The following MEMO1 variants were observed in gnomAD, a reference collection of about 807,000 sequenced individuals.
MEMO1 encodes the protein mediator of cell motility 1, also known as protein MEMO1.
In MEMO1, 6 loss-of-function variants were observed where a neutral mutation model predicts 45.2. The observed-to-expected ratio is 0.13, with a 90% CI of 0.07 to 0.26. MEMO1 has a LOEUF of 0.26. Among genes scored for constraint, MEMO1 ranks in the 10% least tolerant of loss-of-function variants. The pLI is 1.00. For missense variants in MEMO1, 184 were observed against 370.5 expected (o/e 0.50, Z 4.13); for synonymous variants, 78 against 124.3 (o/e 0.63, Z 2.48).
At chr2:31,972,387 C>T (rs1669512457) in intron 2 of MEMO1, among the ~76,000 whole-genome samples, 1 of 152,168 alleles carries the variant, frequency 6.6e-6, no homozygotes, top group African/African-American at 2.4e-5. Flanking sequence ...TTAATAAAGA[C>T]ATTACTAATT....
At chr2:31,902,372 T>C (rs1678989201) in intron 6 of MEMO1, among the ~76,000 whole-genome samples, 1 of 151,830 alleles carries the variant, frequency 6.6e-6, no homozygotes, top group Non-Finnish European at 1.5e-5. Flanking sequence ...CACTCCAGCG[T>C]AGGCAACAGA....
chr2:31,956,672 C>T (rs80000085), intron 2 of MEMO1, among the ~76,000 whole-genome samples: 1,531 of 152,196 alleles, frequency 0.01, 20 homozygotes, highest in Middle Eastern at 0.054. Flanking sequence ...TATTAAGCAA[C>T]CGGAAAACAA....
chr2:31,991,775 A>C (rs1351113950), intron 2 of MEMO1, among the ~76,000 whole-genome samples: 1 of 152,220 alleles, frequency 6.6e-6, no homozygotes, highest in Non-Finnish European at 1.5e-5. Context: ...GCTGTCAGCA[A>C]CTAAACGCTC....
intron 6 of MEMO1, among the ~76,000 whole-genome samples, chr2:31,915,590 T>C (rs1681323816): frequency 6.6e-6 from 1 of 151,966 alleles, no homozygotes; most frequent in Non-Finnish European, 1.5e-5. Context: ...AAGTCTAAGC[T>C]ATTCTTCTAG....
chr2:31,929,506 T>G (rs1027980030), intron 4 of MEMO1, among the ~76,000 whole-genome samples: 4 of 152,236 alleles, frequency 2.6e-5, no homozygotes, highest in Admixed American at 6.5e-5. Context: ...GATATGTTAA[T>G]ACCCTTATCT....
chr2:31,914,614 C>G (rs1286485260), intron 6 of MEMO1, among the ~76,000 whole-genome samples: 1 of 151,952 alleles, frequency 6.6e-6, no homozygotes, highest in African/African-American at 2.4e-5. Context: ...ATATATACAC[C>G]ATGCACCCAC....
intron 2 of MEMO1, among the ~76,000 whole-genome samples, chr2:31,947,896 C>A (rs570529959): frequency 6.6e-6 from 1 of 152,124 alleles, no homozygotes; most frequent in Non-Finnish European, 1.5e-5. Context: ...ATGAACTAAG[C>A]CAAATTGGTT....
At chr2:31,948,284 C>T (rs1666415775) in intron 2 of MEMO1, among the ~76,000 whole-genome samples, 1 of 152,214 alleles carries the variant, frequency 6.6e-6, no homozygotes. Context: ...TCTAGTGTTG[C>T]TGAAACTATT....
At chr2:31,934,544 C>G (rs1664682929) in intron 3 of MEMO1, among the ~76,000 whole-genome samples, 1 of 149,034 alleles carries the variant, frequency 6.7e-6, no homozygotes, top group African/African-American at 2.5e-5. Flanking sequence ...AATAAGAGTA[C>G]AAAGGTAAGG....
intron 2 of MEMO1, among the ~76,000 whole-genome samples, chr2:32,002,339 A>G (rs1182568867): frequency 6.7e-6 from 1 of 149,194 alleles, no homozygotes; most frequent in Non-Finnish European, 1.5e-5. Context: ...ATATACATAT[A>G]CATATATACA....
At chr2:31,919,606 A>C (rs1002637154) in intron 5 of MEMO1, among the ~76,000 whole-genome samples, 1 of 152,056 alleles carries the variant, frequency 6.6e-6, no homozygotes, top group Non-Finnish European at 1.5e-5. Context: ...ATTGCTTGAG[A>C]CCAGGAGTTC....
chr2:31,983,453 G>C (rs763415906), intron 2 of MEMO1, among the ~76,000 whole-genome samples: 14 of 151,858 alleles, frequency 9.2e-5, no homozygotes, highest in African/African-American at 3.1e-4. Context: ...TTGTTTTTGA[G>C]ACAGAGTTTC....
chr2:31,961,224 G>A (rs995653688), intron 2 of MEMO1, among the ~76,000 whole-genome samples: 10 of 152,076 alleles, frequency 6.6e-5, no homozygotes, highest in East Asian at 3.9e-4. Context: ...TGGGTGTGGC[G>A]GCAAGTGCCT....
intron 2 of MEMO1, among the ~76,000 whole-genome samples, chr2:31,989,058 T>G (rs1016587669): frequency 6.6e-6 from 1 of 151,264 alleles, no homozygotes; most frequent in African/African-American, 2.4e-5. Flanking sequence ...AATACAAAAT[T>G]AGCCAGGCAT....
chr2:31,883,430 A>T lies in MEMO1; in HGVS notation c.613T>A (p.Ser205Thr), dbSNP rs1229069371. Residue 205 changes from serine to threonine, a missense_variant, in exon 8 of 10, where the codon TCC (serine) becomes ACC (threonine). Transcript: ENST00000404530. The stretch of plus-strand genomic sequence containing the variant: ...ATGGATCTATAAATCTCCCCCTGGG[A>T]TTCATCATAGTAACTGTAACGGAAC... Reference protein sequence around the residue: ...QRFRYSYYDESQGEIYRSIEH... With the variant: ...QRFRYSYYDETQGEIYRSIEH... 5.0e-6 allele frequency: 8 copies of T among 1,593,076 alleles called. No individual in the cohort carries two copies. In the African/African-American group the frequency reaches 6.8e-5, roughly 13 times the overall value.
chr2:31,937,199 T>C (rs1665016838), intron 3 of MEMO1, among the ~76,000 whole-genome samples: 1 of 152,152 alleles, frequency 6.6e-6, no homozygotes, highest in Admixed American at 6.5e-5. Context: ...AAAATATCAG[T>C]AGATAATTGT....
intron 6 of MEMO1, among the ~76,000 whole-genome samples, chr2:31,914,961 TAAAAAAAAAAA>T (rs34556047): frequency 8.3e-6 from 1 of 120,220 alleles, no homozygotes; most frequent in African/African-American, 3.2e-5. Context: ...TGTCTCTTTT[TAAAAAAAAAAA>T]AAAAAAAAAA....
At chr2:31,994,500 C>T (rs572921123) in intron 2 of MEMO1, among the ~76,000 whole-genome samples, 6 of 151,608 alleles carry the variant, frequency 4.0e-5, no homozygotes, top group East Asian at 2.0e-4. Flanking sequence ...CGTGGTGGTG[C>T]GTGTCTGCAG....
rs189608484 is a variant in MEMO1, at chr2:31,893,745, G to A, written c.438-1611C>T. Among the ~76,000 whole-genome samples the A allele has an allele frequency of 6.4e-4, 97 of 152,166 alleles. 1 individual carries two copies. Among genetic ancestry groups the A allele is most frequent in the Admixed American group, 5.4e-3 (83 of 15,286 alleles). On this transcript the variant is annotated intron_variant, in intron 6 of 9. Transcript: ENST00000404530. ...TGTTATGAAGTGAAGAACACTATAG[G>A]AAAGGTACTTCGTCACAAGAGTTGG...
Sources: allele counts gnomAD v4.1 joint callset (sites outside exome capture counted in the v4.1 genomes callset), GRCh38; gene constraint gnomAD v4.1.1; transcripts MANE v1.5; gene names NCBI Gene and HGNC (gene_info 2026-07-23, HGNC 2026-07-21).